The following FSTL4 variants were observed in gnomAD, a reference collection of about 807,000 sequenced individuals.
FSTL4 encodes the protein follistatin-related protein 4.
A neutral mutation model predicts 78.2 loss-of-function variants in FSTL4; 28 were observed. That is an observed-to-expected ratio of 0.36 (90% CI 0.27 to 0.49). FSTL4 has a LOEUF of 0.49. Among genes scored for constraint, FSTL4 ranks in the 20% least tolerant of loss-of-function variants. The pLI is 0.98. For missense variants in FSTL4, 922 were observed against 1,084.9 expected (o/e 0.85, Z 2.11); for synonymous variants, 422 against 440.5 (o/e 0.96, Z 0.53).
At chr5:133,701,881 C>T in the FSTL4 span, among the ~76,000 whole-genome samples, 21 of 152,240 alleles carry the variant, frequency 1.4e-4, no homozygotes, top group Admixed American at 7.8e-4. Flanking sequence ...TGTGATAGCC[C>T]TGCCTGGGTT....
chr5:133,345,128 AT>A (rs373417288), intron 4 of FSTL4, among the ~76,000 whole-genome samples: 3 of 152,056 alleles, frequency 2.0e-5, no homozygotes, highest in African/African-American at 7.2e-5. Context: ...CACTTTTTAA[AT>A]CAGAAAGATA....
the FSTL4 span, among the ~76,000 whole-genome samples, chr5:133,838,757 T>C: frequency 6.6e-6 from 1 of 152,218 alleles, no homozygotes; most frequent in Admixed American, 6.5e-5. Flanking sequence ...TTCTATGGCA[T>C]AGTGTTGAAA....
chr5:133,339,589 C>G (rs1177042099), intron 4 of FSTL4, among the ~76,000 whole-genome samples: 1 of 152,142 alleles, frequency 6.6e-6, no homozygotes, highest in African/African-American at 2.4e-5. Flanking sequence ...CAAACATGTG[C>G]CAGATAAACA....
At chr5:133,331,331 G>C (rs1407262580) in intron 4 of FSTL4, among the ~76,000 whole-genome samples, 1 of 152,030 alleles carries the variant, frequency 6.6e-6, no homozygotes, top group Non-Finnish European at 1.5e-5. Flanking sequence ...TTGATCTTCA[G>C]CTTCTGAGCC....
intron 3 of FSTL4, among the ~76,000 whole-genome samples, chr5:133,523,265 C>T (rs1286361687): frequency 6.6e-6 from 1 of 152,182 alleles, no homozygotes; most frequent in Non-Finnish European, 1.5e-5. Flanking sequence ...CTCAGACTTC[C>T]AGCCTCCAGG....
chr5:133,365,235 AAATAAT>A (rs150360420), intron 4 of FSTL4, among the ~76,000 whole-genome samples: 9,077 of 150,944 alleles, frequency 0.06, 344 homozygotes, highest in East Asian at 0.15. Flanking sequence ...TTAATTTCTA[AAATAAT>A]AATAATAATA....
chr5:133,617,841 G>A, the FSTL4 span, among the ~76,000 whole-genome samples: 1 of 152,274 alleles, frequency 6.6e-6, no homozygotes, highest in African/African-American at 2.4e-5. Context: ...ACGATTAGAT[G>A]AGGGCGTGGC....
At chr5:133,710,950 T>C in the FSTL4 span, among the ~76,000 whole-genome samples, 8 of 152,178 alleles carry the variant, frequency 5.3e-5, no homozygotes, top group African/African-American at 1.7e-4. Flanking sequence ...TGAACAAATA[T>C]ATGCACAAAT....
At chr5:133,653,907 A>C in the FSTL4 span, among the ~76,000 whole-genome samples, 4 of 152,244 alleles carry the variant, frequency 2.6e-5, no homozygotes, top group African/African-American at 7.2e-5. Context: ...CTGCACTGAC[A>C]GGACAGAACA....
chr5:133,684,543 C>T, the FSTL4 span, among the ~76,000 whole-genome samples: 4 of 152,240 alleles, frequency 2.6e-5, no homozygotes, highest in South Asian at 8.3e-4. Flanking sequence ...CCCTCAAGTA[C>T]CCATTGAGGC....
At chr5:133,463,221 C>A (rs534788098) in intron 3 of FSTL4, among the ~76,000 whole-genome samples, 1 of 152,236 alleles carries the variant, frequency 6.6e-6, no homozygotes, top group East Asian at 1.9e-4. Flanking sequence ...CTTTTTTGAG[C>A]CCTCTGCTTT....
intron 14 of FSTL4, among the ~76,000 whole-genome samples, chr5:133,207,321 C>A (rs1032641879): frequency 1.3e-5 from 2 of 152,242 alleles, no homozygotes; most frequent in Admixed American, 6.5e-5. Context: ...ATGCTTAGTG[C>A]TCTTAACCCT....
At chr5:133,262,024 T>C (rs1483764131) in intron 6 of FSTL4, among the ~76,000 whole-genome samples, 3 of 150,618 alleles carry the variant, frequency 2.0e-5, no homozygotes, top group African/African-American at 4.9e-5. Context: ...CAGAATAGAC[T>C]CTTTGTGGTA....
chr5:133,779,558 C>T, the FSTL4 span, among the ~76,000 whole-genome samples: 4 of 152,040 alleles, frequency 2.6e-5, no homozygotes, highest in Non-Finnish European at 4.4e-5. Context: ...TGCATTTCAG[C>T]GTGGGCGACA....
At chr5:133,565,821 T>C in intron 3 of FSTL4, among the ~76,000 whole-genome samples, 1 of 152,350 alleles carries the variant, frequency 6.6e-6, no homozygotes, top group Admixed American at 6.5e-5. Context: ...TATATGTGAT[T>C]TTACAATGCA....
intron 4 of FSTL4, among the ~76,000 whole-genome samples, chr5:133,343,169 G>A (rs912903764): frequency 8.5e-5 from 13 of 152,222 alleles, no homozygotes; most frequent in African/African-American, 3.1e-4. Flanking sequence ...CAGTTAGCAA[G>A]AGGTAAAGCA....
intron 13 of FSTL4, among the ~76,000 whole-genome samples, chr5:133,213,089 G>A (rs1280866944): frequency 6.9e-6 from 1 of 144,554 alleles, no homozygotes; most frequent in Non-Finnish European, 1.5e-5. Flanking sequence ...TGCAATCTCT[G>A]CCTCCCAGGT....
chr5:133,779,881 C>A, the FSTL4 span, among the ~76,000 whole-genome samples: 1 of 152,124 alleles, frequency 6.6e-6, no homozygotes, highest in Non-Finnish European at 1.5e-5. Context: ...TGTGTAAGTG[C>A]TTATTAGGGA....
intron 6 of FSTL4, among the ~76,000 whole-genome samples, chr5:133,287,006 C>A (rs1464586976): frequency 6.6e-6 from 1 of 152,228 alleles, no homozygotes; most frequent in Non-Finnish European, 1.5e-5. Flanking sequence ...GCAGCCCCTG[C>A]ATTGCCTGGT....
Sources: gnomAD v4.1 joint callset for allele counts (sites outside exome capture counted in the v4.1 genomes callset) on GRCh38, gnomAD v4.1.1 for gene constraint, MANE v1.5 for transcripts, NCBI Gene and HGNC (gene_info 2026-07-23, HGNC 2026-07-21) for gene names.